Variants in CIP2A observed in about 807,000 individuals in gnomAD.
The protein encoded by CIP2A is cellular inhibitor of PP2A, also known as protein CIP2A.
A neutral mutation model predicts 110.9 loss-of-function variants in CIP2A; 103 were observed. The ratio of observed to expected loss-of-function variants is 0.93; its 90% CI spans 0.79 to 1.09. The LOEUF (loss-of-function observed/expected upper bound fraction) is 1.09. Among genes scored for constraint, CIP2A ranks in the 50% least tolerant of loss-of-function variants. The pLI, the probability that CIP2A is intolerant of heterozygous loss-of-function variation, is 0.00. For missense variants in CIP2A, 1,088 were observed against 1,038.4 expected (o/e 1.05, Z -0.66); for synonymous variants, 381 against 361.6 (o/e 1.05, Z -0.61).
chr3:108,571,540 G>T (rs1339429238), intron 8 of CIP2A, among the ~76,000 whole-genome samples: 1 of 152,166 alleles, frequency 6.6e-6, no homozygotes, highest in Non-Finnish European at 1.5e-5. Flanking sequence ...CCAATTGTTT[G>T]TGTATCTTAC....
chr3:108,558,901 A>G (rs545535817), intron 16 of CIP2A, among the ~76,000 whole-genome samples: 3 of 152,302 alleles, frequency 2.0e-5, no homozygotes, highest in African/African-American at 7.2e-5. Flanking sequence ...GAATCCTTAT[A>G]TGCCAAACTA....
intron 8 of CIP2A, among the ~76,000 whole-genome samples, chr3:108,571,200 T>C (rs1938393385): frequency 6.6e-6 from 1 of 152,174 alleles, no homozygotes; most frequent in Non-Finnish European, 1.5e-5. Flanking sequence ...GTTTTACAGT[T>C]AACTTTTTTA....
At chr3:108,563,925 G>A (rs1481398645) in intron 12 of CIP2A, among the ~76,000 whole-genome samples, 1 of 150,466 alleles carries the variant, frequency 6.6e-6, no homozygotes, top group African/African-American at 2.4e-5. Context: ...TACTTAAAAC[G>A]TTTTGTTTTT....
chr3:108,576,729 T>A (rs1938667412), intron 7 of CIP2A, among the ~76,000 whole-genome samples: 1 of 152,220 alleles, frequency 6.6e-6, no homozygotes, highest in South Asian at 2.1e-4. Context: ...AGCTGCTTAC[T>A]TATAAAGCAC....
At position 108,579,595 on chromosome 3, in the gene CIP2A, A is replaced by T. The variant is rs1184813110; in HGVS notation, c.643T>A (p.Leu215Met). The change falls in exon 6 of 21, where the codon TTG becomes ATG. Residue 215 changes from leucine (L) to methionine (M), a missense_variant. By Grantham distance (15) the Leu-to-Met change is conservative. Transcript: ENST00000295746. The part of the protein sequence containing the change: ...VVFALSILSS[L>M]TLNEEVGEKL... ...TCCCCCACCTCTTCATTTAATGTCAAACTGGATAATATTGAAAGTGCAAAC... is the reference window on the plus strand; with the variant it reads ...TCCCCCACCTCTTCATTTAATGTCATACTGGATAATATTGAAAGTGCAAAC... 8 of 1,597,620 alleles carry T rather than the reference A, an allele frequency of 5.0e-6. No individual in the cohort carries two copies. Among genetic ancestry groups the T allele is most frequent in the Non-Finnish European group, 6.0e-6 (7 of 1,169,464 alleles).
At chr3:108,554,763 C>A (rs1387662035) in intron 17 of CIP2A, among the ~76,000 whole-genome samples, 1 of 152,152 alleles carries the variant, frequency 6.6e-6, no homozygotes, top group Non-Finnish European at 1.5e-5. Flanking sequence ...CCTTATTTTA[C>A]AGATGATATT....
At chr3:108,583,460 G>C (rs1301496995) in intron 2 of CIP2A, among the ~76,000 whole-genome samples, 13 of 152,160 alleles carry the variant, frequency 8.5e-5, no homozygotes, top group Admixed American at 8.5e-4. Flanking sequence ...TGGAACTGAA[G>C]GCCATTAGGT....
intron 19 of CIP2A, 112 bp from the exon 20 acceptor site, chr3:108,552,485 G>T (rs1937619747): frequency 1.8e-6 from 1 of 563,010 alleles, no homozygotes. Context: ...ACAAGGAAGA[G>T]AAACTTCTCT....
chr3:108,578,607 C>A (rs1419498693), intron 7 of CIP2A, among the ~76,000 whole-genome samples: 1 of 152,128 alleles, frequency 6.6e-6, no homozygotes, highest in East Asian at 1.9e-4. Flanking sequence ...TAAATGTTTT[C>A]TTGTGTGTGA....
chr3:108,570,370 A>G (rs1443427951), intron 8 of CIP2A, among the ~76,000 whole-genome samples: 1 of 152,168 alleles, frequency 6.6e-6, no homozygotes, highest in Non-Finnish European at 1.5e-5. Flanking sequence ...AGCATTTACT[A>G]TAACAAATGA....
intron 1 of CIP2A, among the ~76,000 whole-genome samples, chr3:108,586,151 C>T (rs750017094): frequency 1.2e-4 from 19 of 152,192 alleles, no homozygotes; most frequent in East Asian, 1.9e-4. Context: ...TCTAATCTTT[C>T]CTTTCTGTAT....
At chr3:108,584,353 G>A (rs1333572115) in intron 2 of CIP2A, among the ~76,000 whole-genome samples, 1 of 152,062 alleles carries the variant, frequency 6.6e-6, no homozygotes, top group Non-Finnish European at 1.5e-5. Context: ...TTTTGTTACA[G>A]CACAGAAAAA....
At chr3:108,556,850 G>C (rs138074636) in intron 17 of CIP2A, among the ~76,000 whole-genome samples, 4 of 152,226 alleles carry the variant, frequency 2.6e-5, no homozygotes, top group Non-Finnish European at 5.9e-5. Flanking sequence ...TGACAACTAA[G>C]TTTATTTAAA....
rs1693029345 is a variant in CIP2A, at chr3:108,551,374, T to TAA, written c.2548-56_2548-55insTT. 3.3e-5 allele frequency: 44 copies of TAA among 1,329,032 alleles called. No homozygotes were observed. The South Asian group carries it at 6.1e-4, about 18-fold the overall frequency. 82.3% of individuals were successfully genotyped at this position (1,329,032 alleles called of 1,614,324 possible). ...GAATTGAGAAGAAAAATAACTTTAA[T>TAA]GTTTTCTCTATACATATATTTTAAG... On this transcript the variant is annotated intron_variant, in intron 20 of 20. Coordinates refer to ENST00000295746, the MANE Select transcript of CIP2A (RefSeq NM_020890.3).
At chr3:108,586,503 C>T (rs1343716158) in intron 1 of CIP2A, among the ~76,000 whole-genome samples, 4 of 152,146 alleles carry the variant, frequency 2.6e-5, no homozygotes, top group South Asian at 2.1e-4. Flanking sequence ...AATTGCTTTA[C>T]AAGTTTTCCC....
At chr3:108,581,076 G>A (rs887220770) in intron 5 of CIP2A, among the ~76,000 whole-genome samples, 2 of 152,184 alleles carry the variant, frequency 1.3e-5, no homozygotes, top group South Asian at 4.1e-4. Flanking sequence ...TGAGATAAAT[G>A]GGACTGCCAG....
intron 10 of CIP2A, among the ~76,000 whole-genome samples, chr3:108,566,936 ATAAGGG>A (rs2107332507): frequency 6.6e-6 from 1 of 151,950 alleles, no homozygotes; most frequent in South Asian, 2.1e-4. Flanking sequence ...TATTTATTGA[ATAAGGG>A]TAAGTTGTTT....
At chr3:108,565,571 T>C (rs989419697) in intron 11 of CIP2A, 117 bp from the exon 12 acceptor site, 2 of 577,770 alleles carry the variant, frequency 3.5e-6, no homozygotes, top group African/African-American at 1.9e-5. Flanking sequence ...AAATTCAAGA[T>C]GATAAAGTCC....
intron 8 of CIP2A, among the ~76,000 whole-genome samples, chr3:108,573,388 T>TC (rs1206398537): frequency 1.3e-5 from 2 of 151,976 alleles, no homozygotes; most frequent in African/African-American, 4.8e-5. Context: ...CTTTCACTTC[T>TC]CCCCACTTCT....
Sources: allele counts gnomAD v4.1 joint callset (sites outside exome capture counted in the v4.1 genomes callset), GRCh38; gene constraint gnomAD v4.1.1; transcripts MANE v1.5; gene names NCBI Gene and HGNC (gene_info 2026-07-23, HGNC 2026-07-21).